The following LIPA variants were observed in gnomAD, a reference collection of about 807,000 sequenced individuals.
LIPA encodes the protein lysosomal acid lipase/cholesteryl ester hydrolase.
In LIPA, 26 loss-of-function variants were observed where a neutral mutation model predicts 40.6. The observed-to-expected ratio is 0.64, with a 90% confidence interval of 0.47 to 0.89. The LOEUF (loss-of-function observed/expected upper bound fraction) is 0.89, where lower values mean the gene tolerates loss of function less well. Among genes scored for constraint, LIPA ranks in the 40% least tolerant of loss-of-function variants. The pLI is 0.00. For synonymous variants in LIPA, 188 were observed against 168.4 expected, an observed-to-expected ratio of 1.12 and a Z score of -0.90; for missense variants, 455 against 479.6, an observed-to-expected ratio of 0.95 and a Z score of 0.48.
At chr10:89,276,374 T>C (rs1356896023) in intron 1 of LIPA, among the ~76,000 whole-genome samples, 1 of 152,232 alleles carries the variant, frequency 6.6e-6, no homozygotes, top group Non-Finnish European at 1.5e-5. Flanking sequence ...TTCTCAACTT[T>C]TTCCAGAAAC....
chr10:89,265,406 C>A (rs375165068), intron 1 of LIPA, among the ~76,000 whole-genome samples: 10 of 152,156 alleles, frequency 6.6e-5, no homozygotes, highest in South Asian at 4.1e-4. Context: ...GTGCAGCTGG[C>A]GTCTTCGCAG....
intron 1 of LIPA, among the ~76,000 whole-genome samples, chr10:89,311,565 G>GT (rs927713736): frequency 1.0e-4 from 15 of 148,026 alleles, no homozygotes; most frequent in African/African-American, 3.7e-4. Context: ...CTACTTGTAC[G>GT]TTTTTTGCAT....
intron 1 of LIPA, chr10:89,306,322 T>G (rs1157974150): frequency 3.2e-5 from 52 of 1,614,130 alleles, no homozygotes; most frequent in Non-Finnish European, 4.2e-5. Context: ...AGGTGAAACA[T>G]GTCTGTGAGA....
At chr10:89,380,751 G>A (rs2863759) in intron 2 of LIPA, among the ~76,000 whole-genome samples, 9,914 of 152,166 alleles carry the variant, frequency 0.065, 784 homozygotes, top group African/African-American at 0.18. Flanking sequence ...ATGATAATAT[G>A]TATACTACTA....
At position 89,226,961 on chromosome 10, in the gene LIPA, A is replaced by C; in HGVS notation, c.472T>G (p.Phe158Val). The C allele has an allele frequency of 6.2e-7, 1 of 1,613,600 alleles. No homozygotes were observed. Among genetic ancestry groups the C allele is most frequent in the Non-Finnish European group, 8.5e-7 (1 of 1,179,594 alleles). The change falls in exon 5 of 10, where the codon TTC becomes GTC. Residue 158 changes from phenylalanine (F) to valine (V), a missense_variant. Transcript: ENST00000336233. ...AKYDLPASIN[F>V]ILNKTGQEQV... is the part of the protein sequence containing the mutation. ...TCTTGGCCAGTTTTATTCAGAATGA[A>C]GTTAATGGAAGCTGGTAGGTCATAT...
At chr10:89,370,240 T>C (rs778670645) in intron 2 of LIPA, among the ~76,000 whole-genome samples, 9 of 152,002 alleles carry the variant, frequency 5.9e-5, no homozygotes, top group Non-Finnish European at 1.0e-4. Context: ...TTTTTTTTTT[T>C]CTGAGACAGG....
upstream of LIPA, among the ~76,000 whole-genome samples, chr10:89,253,705 T>C (rs1843164706): frequency 6.6e-6 from 1 of 152,208 alleles, no homozygotes; most frequent in Non-Finnish European, 1.5e-5. Flanking sequence ...AAGTCTCACC[T>C]GAGACAAGGC....
chr10:89,216,142 G>T, intron 8 of LIPA, 133 bp from the exon 9 acceptor site: 1 of 705,130 alleles, frequency 1.4e-6, no homozygotes, highest in South Asian at 1.5e-5. Flanking sequence ...CATTTCCAAG[G>T]CATTATTTTA....
chr10:89,304,456 G>T (rs1349166650), intron 1 of LIPA, among the ~76,000 whole-genome samples: 3 of 152,064 alleles, frequency 2.0e-5, no homozygotes, highest in Non-Finnish European at 4.4e-5. Context: ...TAGAAAGAGG[G>T]GTCACATAAT....
chr10:89,316,838 C>T (rs932266671), intron 1 of LIPA, among the ~76,000 whole-genome samples: 2 of 152,230 alleles, frequency 1.3e-5, no homozygotes, highest in Admixed American at 1.3e-4. Flanking sequence ...TAGGGGCTGA[C>T]TGACACCTCA....
At chr10:89,379,392 T>C (rs1048227546) in intron 2 of LIPA, among the ~76,000 whole-genome samples, 2 of 152,164 alleles carry the variant, frequency 1.3e-5, no homozygotes, top group Non-Finnish European at 2.9e-5. Flanking sequence ...CTGCTAAAAT[T>C]TGAAAAACCA....
At chr10:89,316,753 G>A (rs969995000) in intron 1 of LIPA, among the ~76,000 whole-genome samples, 3 of 152,236 alleles carry the variant, frequency 2.0e-5, no homozygotes, top group Non-Finnish European at 4.4e-5. Context: ...ATCTGAGAAT[G>A]GACAGACTGC....
chr10:89,374,927 T>C (rs1844111579), intron 2 of LIPA, among the ~76,000 whole-genome samples: 1 of 152,184 alleles, frequency 6.6e-6, no homozygotes, highest in Non-Finnish European at 1.5e-5. Flanking sequence ...TAGATTGCCC[T>C]GGCCTGAAGC....
chr10:89,359,951 AG>A (rs1442811208), intron 2 of LIPA, among the ~76,000 whole-genome samples: 1 of 152,028 alleles, frequency 6.6e-6, no homozygotes, highest in East Asian at 1.9e-4. Flanking sequence ...GCGTTACCTC[AG>A]CATTCTCACT....
At chr10:89,383,272 A>T (rs1564804110) in intron 2 of LIPA, 1 of 1,508,424 alleles carries the variant, frequency 6.6e-7, no homozygotes, top group Non-Finnish European at 9.1e-7. Flanking sequence ...TTTTCAGTGG[A>T]CTGAATACTT....
intron 1 of LIPA, among the ~76,000 whole-genome samples, chr10:89,315,813 G>T (rs1843538429): frequency 6.6e-6 from 1 of 152,062 alleles, no homozygotes. Flanking sequence ...TCAATGATAT[G>T]GCCCCTGGAA....
intron 2 of LIPA, chr10:89,404,975 T>G (rs1844506660): frequency 1.3e-5 from 2 of 151,968 alleles, no homozygotes; most frequent in Admixed American, 1.3e-4. Context: ...AAAAAAAAGT[T>G]CTCTCCAATT....
chr10:89,338,865 C>T lies in LIPA; in HGVS notation c.-2+3746G>A. 3 of 1,614,092 alleles carry T rather than the reference C, an allele frequency of 1.9e-6. No individual in the cohort carries two copies. The South Asian group carries it at 3.3e-5, about 18-fold the overall frequency. On this transcript the variant is annotated intron_variant, in intron 1 of 5. Transcript: ENST00000282673. ...ACCTAGATGGTAACAACGAGGCAGC[C>T]CTGGAATGCTTACGGCAAGCTGAAG...
intron 2 of LIPA, among the ~76,000 whole-genome samples, chr10:89,358,551 G>A (rs1489588250): frequency 6.6e-6 from 1 of 152,130 alleles, no homozygotes; most frequent in Non-Finnish European, 1.5e-5. Flanking sequence ...GATGAATAAA[G>A]AAAATGTAGC....
Sources: allele counts gnomAD v4.1 joint callset (sites outside exome capture counted in the v4.1 genomes callset), GRCh38; gene constraint gnomAD v4.1.1; transcripts MANE v1.5; gene names NCBI Gene and HGNC (gene_info 2026-07-23, HGNC 2026-07-21).